Variants in NEBL observed in about 807,000 individuals in gnomAD.
The protein encoded by NEBL is nebulette.
In NEBL, 122 loss-of-function variants were observed where a neutral mutation model predicts 140.2. The ratio of observed to expected loss-of-function variants is 0.87; its 90% CI spans 0.75 to 1.01. NEBL has a LOEUF of 1.01. Among genes scored for constraint, NEBL ranks in the 50% least tolerant of loss-of-function variants. The pLI, the probability that NEBL is intolerant of heterozygous loss-of-function variation, is 0.00. For synonymous variants in NEBL, 436 were observed against 398.9 expected (o/e 1.09, Z -1.11); for missense variants, 1,365 against 1,231.3 (o/e 1.11, Z -1.62).
intron 2 of NEBL, among the ~76,000 whole-genome samples, chr10:21,167,868 G>GA (rs1165103464): frequency 2.6e-5 from 4 of 152,048 alleles, no homozygotes; most frequent in African/African-American, 7.3e-5. Context: ...GTTCCATGGT[G>GA]AAAAAAATCC....
chr10:21,202,208 C>T (rs1306178519), intron 3 of NEBL, among the ~76,000 whole-genome samples: 1 of 151,982 alleles, frequency 6.6e-6, no homozygotes, highest in Non-Finnish European at 1.5e-5. Context: ...TAGATGTGAA[C>T]AGCACTTTTT....
At chr10:20,806,683 A>G (rs139366954) in intron 26 of NEBL, among the ~76,000 whole-genome samples, 30 of 152,336 alleles carry the variant, frequency 2.0e-4, no homozygotes, top group Middle Eastern at 3.4e-3. Flanking sequence ...CTTACAGCGG[A>G]TGCATGTTTC....
At chr10:21,204,381 C>T (rs1207015139) in intron 3 of NEBL, among the ~76,000 whole-genome samples, 7 of 152,064 alleles carry the variant, frequency 4.6e-5, no homozygotes, top group African/African-American at 7.2e-5. Context: ...GTCCCTGATC[C>T]GATAGGATTA....
intron 3 of NEBL, among the ~76,000 whole-genome samples, chr10:21,234,908 A>G (rs138920516): frequency 2.5e-4 from 38 of 152,342 alleles, no homozygotes; most frequent in African/African-American, 8.7e-4. Flanking sequence ...ACAAGGCTCA[A>G]CGGTGAGATA....
At chr10:20,846,642 A>G (rs980186794) in intron 11 of NEBL, among the ~76,000 whole-genome samples, 8 of 152,220 alleles carry the variant, frequency 5.3e-5, no homozygotes, top group African/African-American at 1.9e-4. Context: ...ATTAGTAGAG[A>G]TAACAGTTAC....
chr10:20,978,854 G>A (rs1360965740), intron 3 of NEBL, among the ~76,000 whole-genome samples: 3 of 152,164 alleles, frequency 2.0e-5, no homozygotes, highest in African/African-American at 4.8e-5. Context: ...AGAGGAGTAT[G>A]TCTCCATATC....
chr10:21,170,989 G>T (rs975430371), intron 2 of NEBL, among the ~76,000 whole-genome samples: 3 of 152,124 alleles, frequency 2.0e-5, no homozygotes, highest in African/African-American at 7.2e-5. Context: ...GGGTCCAAAG[G>T]CCCCTTTGCT....
At chr10:21,227,388 A>C (rs1842166324) in intron 3 of NEBL, among the ~76,000 whole-genome samples, 1 of 152,250 alleles carries the variant, frequency 6.6e-6, no homozygotes, top group South Asian at 2.1e-4. Flanking sequence ...GTAATGTTAA[A>C]TTCTACTTTA....
chr10:21,043,034 G>C lies in NEBL; in HGVS notation c.165-22833C>G, dbSNP rs561082377. The stretch of plus-strand genomic sequence containing the variant: ...AAAAGTCTGCTGTGTATGCAAACAA[G>C]AAAGGACAATGCTTCCACCAATATC... On this transcript the variant is annotated intron_variant, in intron 2 of 6. Transcript: ENST00000417816. Among the ~76,000 whole-genome samples, 3 of 152,314 alleles carry C rather than the reference G, an allele frequency of 2.0e-5. No homozygotes were observed. In the South Asian group the frequency reaches 6.2e-4, roughly 32 times the overall value.
chr10:21,120,680 C>CAAAAAA (rs66476160), intron 2 of NEBL, among the ~76,000 whole-genome samples: 4 of 71,242 alleles, frequency 5.6e-5, no homozygotes, highest in Admixed American at 1.9e-4. Flanking sequence ...TTCATGACAG[C>CAAAAAA]AAAAAAAAAA....
chr10:20,880,969 G>A, intron 4 of NEBL, 65 bp from the exon 5 acceptor site: 1 of 1,314,782 alleles, frequency 7.6e-7, no homozygotes, highest in Non-Finnish European at 1.1e-6. Context: ...GCTAATTTCA[G>A]TGTTTTGCCA....
At chr10:20,905,075 T>A (rs559430161) in intron 4 of NEBL, among the ~76,000 whole-genome samples, 1 of 152,214 alleles carries the variant, frequency 6.6e-6, no homozygotes, top group South Asian at 2.1e-4. Context: ...AATGAAGAAG[T>A]TTTTACATTC....
chr10:21,249,146 A>C (rs1316543387), intron 2 of NEBL, among the ~76,000 whole-genome samples: 1 of 152,162 alleles, frequency 6.6e-6, no homozygotes, highest in East Asian at 1.9e-4. Context: ...CTGCCACCTC[A>C]GCCTCCCAAA....
chr10:21,182,319 A>G (rs923627387), intron 3 of NEBL, among the ~76,000 whole-genome samples: 1 of 152,072 alleles, frequency 6.6e-6, no homozygotes, highest in African/African-American at 2.4e-5. Flanking sequence ...CAAAAAAAAT[A>G]ATAATAACTA....
intron 12 of NEBL, among the ~76,000 whole-genome samples, chr10:20,841,831 T>G (rs1055345446): frequency 6.6e-6 from 1 of 152,170 alleles, no homozygotes; most frequent in African/African-American, 2.4e-5. Flanking sequence ...TTTGGAAGGC[T>G]GTCTCCATGC....
rs188448292 is a variant in NEBL, at chr10:20,818,042, T to C, written c.2056-350A>G. On this transcript the variant is annotated intron_variant, in intron 20 of 27. Transcript: ENST00000377122. The stretch of plus-strand genomic sequence containing the variant: ...GAACTCTTGTGAAGTCCATTCCCTG[T>C]CACCCTAGAAGGCTTTTTACTGTCT... Among the ~76,000 whole-genome samples the C allele has an allele frequency of 4.8e-3, 730 of 152,286 alleles. 3 individuals carry two copies. Among genetic ancestry groups the C allele is most frequent in the African/African-American group, 0.017 (707 of 41,550 alleles).
intron 2 of NEBL, chr10:21,069,903 A>G (rs1835736999): frequency 2.3e-6 from 1 of 427,276 alleles, no homozygotes; most frequent in South Asian, 1.7e-5. Context: ...GTCTTCTGCA[A>G]TTTTCCCCTG....
At chr10:21,250,844 G>C (rs1842579509) in intron 2 of NEBL, among the ~76,000 whole-genome samples, 1 of 152,142 alleles carries the variant, frequency 6.6e-6, no homozygotes, top group Non-Finnish European at 1.5e-5. Flanking sequence ...AGTGAGCTGA[G>C]ATCACGCCAT....
intron 11 of NEBL, among the ~76,000 whole-genome samples, chr10:20,846,076 C>A (rs1418620577): frequency 2.6e-5 from 4 of 152,088 alleles, no homozygotes; most frequent in African/African-American, 9.7e-5. Flanking sequence ...CCACCATTAG[C>A]CTTTTTAAAA....
Sources: gnomAD v4.1 joint callset for allele counts (sites outside exome capture counted in the v4.1 genomes callset) on GRCh38, gnomAD v4.1.1 for gene constraint, MANE v1.5 for transcripts, NCBI Gene and HGNC (gene_info 2026-07-23, HGNC 2026-07-21) for gene names.